CLCN1: variants seen among roughly 807,000 people sequenced by gnomAD.
CLCN1 encodes the protein chloride channel protein 1.
Under a neutral mutation model 114.5 loss-of-function variants are expected in CLCN1, and 100 were observed. The ratio of observed to expected loss-of-function variants is 0.87; its 90% CI spans 0.74 to 1.03. CLCN1 has a LOEUF of 1.03. Among genes scored for constraint, CLCN1 ranks in the 50% least tolerant of loss-of-function variants. The probability of loss-of-function intolerance (pLI) is 0.00; values close to 1 mark genes in which losing one functional copy is unlikely to be tolerated. For synonymous variants in CLCN1, 485 were observed against 487.1 expected, an observed-to-expected ratio of 1.00 and a Z score of 0.06; for missense variants, 1,188 against 1,250.0, an observed-to-expected ratio of 0.95 and a Z score of 0.75.
chr7:143,334,784 C>T (rs925571612), intron 12 of CLCN1, among the ~76,000 whole-genome samples: 3 of 152,208 alleles, frequency 2.0e-5, no homozygotes, highest in Non-Finnish European at 2.9e-5. Context: ...TCATATTTTG[C>T]ACATTCACTT....
In CLCN1 at chr7:143,321,993, C is replaced by A; in HGVS notation, c.696+145C>A. The A allele has an allele frequency of 2.1e-6, 2 of 938,746 alleles. No individual in the cohort carries two copies. The highest frequency in any genetic ancestry group is 3.1e-6 in the Non-Finnish European group (2 of 639,100). 58.2% of individuals were successfully genotyped at this position (938,746 alleles called of 1,614,324 possible). A position where few individuals can be genotyped will look rare whatever the true frequency, so the allele number is the denominator to read the frequency against. Reference sequence around the variant, plus strand: ...CAGGGGACACTAGGAAGGGGAAATGCTTTGGAAGTTCCTCCAACTGAGGTC... The same window carrying A: ...CAGGGGACACTAGGAAGGGGAAATGATTTGGAAGTTCCTCCAACTGAGGTC... On this transcript the variant is annotated intron_variant, in intron 5 of 22. Coordinates refer to ENST00000343257, the MANE Select transcript of CLCN1 (RefSeq NM_000083.3). This position sits in a 1 kb window ranked among gnomAD's most constrained non-coding sequence, Gnocchi z 4.2.
Position 143,321,720 on chromosome 7 carries a change from G to T in CLCN1, c.568G>T (p.Gly190Ter), listed in dbSNP as rs369773321. The change falls in exon 5 of 23, where the codon GGA (glycine) becomes TGA (stop). Residue 190 changes from glycine (G) to a stop codon, truncating the protein, a stop_gained. Coordinates refer to ENST00000343257, the MANE Select transcript of CLCN1 (RefSeq NM_000083.3). LOFTEE classifies it high-confidence loss of function. The surrounding 1 kb of genome is among the most constrained non-coding windows in gnomAD (Gnocchi z 4.2). ...TAATCTTTCAACGCTTTTAGGCTCT[G>T]GAATCCCCGAAATGAAGACAATACT... ...HLISPQAVGS[G>*]IPEMKTILRG... 60 of 1,614,102 alleles carry T rather than the reference G, an allele frequency of 3.7e-5. No individual in the cohort carries two copies. The highest frequency in any genetic ancestry group is 1.6e-4 in the Middle Eastern group (1 of 6,084).
chr7:143,349,567 C>G (rs1803341503), intron 20 of CLCN1, among the ~76,000 whole-genome samples: 1 of 152,170 alleles, frequency 6.6e-6, no homozygotes, highest in Non-Finnish European at 1.5e-5. Flanking sequence ...GTGTGCGTAT[C>G]TAAAGTCAAG....
chr7:143,340,821 C>T (rs1189633272), intron 14 of CLCN1, among the ~76,000 whole-genome samples: 1 of 152,228 alleles, frequency 6.6e-6, no homozygotes, highest in East Asian at 1.9e-4. Context: ...GCATAAGCCA[C>T]CATGCCCGGC....
rs1204061698 is a variant in CLCN1 at position 143,339,699 on chromosome 7, T to C, written c.1582+78T>C. 3.3e-6 allele frequency: 3 copies of C among 904,210 alleles called. No individual in the cohort carries two copies. The highest frequency in any genetic ancestry group is 2.4e-5 in the East Asian group (1 of 41,598). The allele number at this position is 904,210 out of a possible 1,614,324, so 56.0% of individuals were successfully genotyped here. A position where few individuals can be genotyped will look rare whatever the true frequency, so the allele number is the denominator to read the frequency against. ...CACACTTAAACTCTCCCATTGGATC[T>C]TCATTCTAGGCTACACAATACGGTT... On this transcript the variant is annotated intron_variant, in intron 14 of 22. Transcript: ENST00000343257. The surrounding 1 kb of genome is among the most constrained non-coding windows in gnomAD (Gnocchi z 4.1).
chr7:143,345,309 C>G (rs768019004), intron 16 of CLCN1, among the ~76,000 whole-genome samples: 3 of 152,170 alleles, frequency 2.0e-5, no homozygotes, highest in Non-Finnish European at 4.4e-5. Context: ...AGTGCTCTAC[C>G]AATTGGCCCC....
Position 143,339,655 on chromosome 7 carries a change from A to T in CLCN1, c.1582+34A>T. On this transcript the variant is annotated intron_variant, in intron 14 of 22. Transcript: ENST00000343257. The surrounding 1 kb of genome is among the most constrained non-coding windows in gnomAD (Gnocchi z 4.1). ...CATTCCCACTTCCCTGTAATCAAAC[A>T]TTGAGTACTTCAGATCCCCACACTT... 4 of 1,257,316 alleles carry T rather than the reference A, an allele frequency of 3.2e-6. No homozygotes were observed. Among genetic ancestry groups the T allele is most frequent in the Non-Finnish European group, 4.7e-6 (4 of 854,312 alleles). The allele number at this position is 1,257,316 out of a possible 1,614,324, so 77.9% of individuals were successfully genotyped here.
intron 12 of CLCN1, among the ~76,000 whole-genome samples, chr7:143,333,175 C>G (rs1398681589): frequency 6.6e-6 from 1 of 152,140 alleles, no homozygotes; most frequent in African/African-American, 2.4e-5. Context: ...GTGGCGCATG[C>G]CTGTAATCCC....
At chr7:143,317,285 G>A (rs1271688160) in intron 1 of CLCN1, among the ~76,000 whole-genome samples, 2 of 124,294 alleles carry the variant, frequency 1.6e-5, no homozygotes, top group Non-Finnish European at 1.6e-5. Flanking sequence ...GTCTCGCTCT[G>A]TCTCCCAGGC....
chr7:143,346,473 C>A, intron 18 of CLCN1, 106 bp from the exon 19 acceptor site: 1 of 869,306 alleles, frequency 1.2e-6, no homozygotes, highest in East Asian at 2.4e-5. Context: ...GGGTGAGGTA[C>A]CTGGGAAGTG....
At chr7:143,348,406 A>T (rs1245631906) in intron 20 of CLCN1, among the ~76,000 whole-genome samples, 2 of 152,152 alleles carry the variant, frequency 1.3e-5, no homozygotes, top group East Asian at 3.8e-4. Context: ...AAAACCAGCT[A>T]GTTGATCAGT....
rs377054031 is a variant in CLCN1 at position 143,324,406 on chromosome 7, C to T, written c.775-8C>T. 10 of 1,610,828 alleles carry T rather than the reference C, an allele frequency of 6.2e-6. No homozygotes were observed. In the African/African-American group the frequency reaches 8.0e-5, roughly 13 times the overall value. ...CACCTGTTTCTCTGTCTGTCTCTCCCCTAGTAGCAGCCATACTACTACTCT... is the reference window on the plus strand; with the variant it reads ...CACCTGTTTCTCTGTCTGTCTCTCCTCTAGTAGCAGCCATACTACTACTCT... On this transcript the variant is annotated splice_polypyrimidine_tract_variant and splice_region_variant and intron_variant, in intron 6 of 22. Coordinates refer to ENST00000343257, the MANE Select transcript of CLCN1 (RefSeq NM_000083.3). This position sits in a 1 kb window ranked among gnomAD's most constrained non-coding sequence, Gnocchi z 4.6.
At chr7:143,334,959 C>T (rs1037756354) in intron 12 of CLCN1, among the ~76,000 whole-genome samples, 2 of 152,158 alleles carry the variant, frequency 1.3e-5, no homozygotes, top group African/African-American at 4.8e-5. Flanking sequence ...TTGTTGAGTA[C>T]ACAAACCCAT....
chr7:143,325,347 T>C (rs1171649232), intron 7 of CLCN1, among the ~76,000 whole-genome samples: 1 of 152,262 alleles, frequency 6.6e-6, no homozygotes, highest in Non-Finnish European at 1.5e-5. Context: ...AATCTTTTCA[T>C]AGAATCTTCC....
In CLCN1 at chr7:143,323,799, C is replaced by T. The variant is rs1384602668; in HGVS notation, c.774+413C>T. On this transcript the variant is annotated intron_variant, in intron 6 of 22. Transcript: ENST00000343257. Reference sequence around the variant, plus strand: ...GCCCCACCCCTCCACCCCCTTGTCCCGCGTGCTTCTCTGTTGCAGACCGTG... The same window carrying T: ...GCCCCACCCCTCCACCCCCTTGTCCTGCGTGCTTCTCTGTTGCAGACCGTG... 3 of 477,058 alleles carry T rather than the reference C, an allele frequency of 6.3e-6. No individual in the cohort carries two copies. In the East Asian group the frequency reaches 2.0e-4, roughly 33 times the overall value. 29.6% of individuals were successfully genotyped at this position (477,058 alleles called of 1,614,324 possible).
intron 12 of CLCN1, among the ~76,000 whole-genome samples, chr7:143,335,719 G>A (rs1031965939): frequency 4.0e-5 from 6 of 148,726 alleles, no homozygotes; most frequent in Non-Finnish European, 8.9e-5. Context: ...GAGTGCAGTG[G>A]CACAATCTCG....
In CLCN1 at chr7:143,348,841, C is replaced by G. The variant is rs142209841; in HGVS notation, c.2404-1531C>G. Among the ~76,000 whole-genome samples the G allele has an allele frequency of 2.6e-3, 400 of 152,228 alleles. 4 individuals carry two copies. Among genetic ancestry groups the G allele is most frequent in the South Asian group, 5.0e-3 (24 of 4,826 alleles). On this transcript the variant is annotated intron_variant, in intron 20 of 22. Transcript: ENST00000343257. Reference sequence around the variant, plus strand: ...CAACAGCAACGTCCTGCATCCCTTGCGCAAAAGCTGGAGATGTACCTGGAA... The same window carrying G: ...CAACAGCAACGTCCTGCATCCCTTGGGCAAAAGCTGGAGATGTACCTGGAA...
At chr7:143,346,345 G>A in intron 18 of CLCN1, 94 bp downstream of exon 18, 1 of 841,868 alleles carries the variant, frequency 1.2e-6, no homozygotes, top group Non-Finnish European at 2.0e-6. Flanking sequence ...TTCCTATGCG[G>A]GGTGGGGTGG....
At position 143,324,052 on chromosome 7, in the gene CLCN1, T is replaced by C. The variant is rs187853183; in HGVS notation, c.775-362T>C. 2.0e-5 allele frequency among the ~76,000 whole-genome samples: 3 copies of C among 152,306 alleles called. No individual in the cohort carries two copies. The highest frequency in any genetic ancestry group is 7.2e-5 in the African/African-American group (3 of 41,566). On this transcript the variant is annotated intron_variant, in intron 6 of 22. Coordinates refer to ENST00000343257, the MANE Select transcript of CLCN1 (RefSeq NM_000083.3). This position sits in a 1 kb window ranked among gnomAD's most constrained non-coding sequence, Gnocchi z 4.6. Reference sequence around the variant, plus strand: ...CCTATATTTTTTCAGCAAAGGGCTGTGTATTATTTTGAGACTGCTTGCTGT... The same window carrying C: ...CCTATATTTTTTCAGCAAAGGGCTGCGTATTATTTTGAGACTGCTTGCTGT...
Sources: gnomAD v4.1 joint callset for allele counts (sites outside exome capture counted in the v4.1 genomes callset) on GRCh38, gnomAD v4.1.1 for gene constraint, Gnocchi (gnomAD v3.1) non-coding constraint, MANE v1.5 for transcripts, NCBI Gene and HGNC (gene_info 2026-07-23, HGNC 2026-07-21) for gene names.